SLC25A48: variants seen among roughly 807,000 people sequenced by gnomAD.
The protein encoded by SLC25A48 is CTC-321K16.1.
A neutral mutation model predicts 32.2 loss-of-function variants in SLC25A48; 29 were observed. That is an observed-to-expected ratio of 0.90 (90% CI 0.67 to 1.23). The LOEUF is 1.23. Among genes scored for constraint, SLC25A48 ranks in the 50% most tolerant of loss-of-function variants. The pLI, the probability that SLC25A48 is intolerant of heterozygous loss-of-function variation, is 0.00. For missense variants in SLC25A48, 399 were observed against 422.7 expected (o/e 0.94, Z 0.49); for synonymous variants, 164 against 172.3 (o/e 0.95, Z 0.38).
chr5:135,856,103 G>A (rs1474616253), intron 4 of SLC25A48, among the ~76,000 whole-genome samples: 1 of 152,190 alleles, frequency 6.6e-6, no homozygotes, highest in African/African-American at 2.4e-5. Context: ...GGTAGGAGAC[G>A]TATTTCAGTA....
intron 4 of SLC25A48, among the ~76,000 whole-genome samples, chr5:135,868,367 G>T (rs780204874): frequency 6.6e-6 from 1 of 152,116 alleles, no homozygotes; most frequent in African/African-American, 2.4e-5. Flanking sequence ...ACAAAGAAAG[G>T]CTATGGAAAT....
intron 3 of SLC25A48, among the ~76,000 whole-genome samples, chr5:135,664,732 CA>C (rs1753481320): frequency 6.6e-6 from 1 of 152,122 alleles, no homozygotes; most frequent in South Asian, 2.1e-4. Context: ...CCTCCAGCTC[CA>C]TCTAAGTTGC....
intron 2 of SLC25A48, among the ~76,000 whole-genome samples, chr5:135,633,297 C>T (rs1444903115): frequency 7.3e-6 from 1 of 136,832 alleles, no homozygotes; most frequent in Non-Finnish European, 1.6e-5. Context: ...TGAATTGTGT[C>T]CCCCTGCCCC....
chr5:135,871,087 AC>A (rs1354597443), intron 4 of SLC25A48, among the ~76,000 whole-genome samples: 1 of 130,720 alleles, frequency 7.6e-6, no homozygotes, highest in African/African-American at 2.7e-5. Context: ...ACACACACAC[AC>A]ACACACACAC....
intron 4 of SLC25A48, among the ~76,000 whole-genome samples, chr5:135,823,977 G>T (rs1757958061): frequency 6.6e-6 from 1 of 152,192 alleles, no homozygotes; most frequent in African/African-American, 2.4e-5. Flanking sequence ...AAAAGTGTCA[G>T]TTGAGTTCCT....
At chr5:135,854,760 A>G (rs536386228) in intron 4 of SLC25A48, among the ~76,000 whole-genome samples, 39 of 152,298 alleles carry the variant, frequency 2.6e-4, no homozygotes, top group African/African-American at 8.9e-4. Flanking sequence ...TTCTTCAAGC[A>G]TTTTTCCTTT....
intron 3 of SLC25A48, among the ~76,000 whole-genome samples, chr5:135,795,854 G>A (rs1288921811): frequency 6.7e-6 from 1 of 149,856 alleles, no homozygotes; most frequent in African/African-American, 2.5e-5. Context: ...CATATCGCTG[G>A]AGTTGTACAT....
chr5:135,798,962 G>A (rs942991624), intron 3 of SLC25A48, among the ~76,000 whole-genome samples: 1 of 151,754 alleles, frequency 6.6e-6, no homozygotes, highest in Non-Finnish European at 1.5e-5. Context: ...AATATCCGGG[G>A]GGGAGAGGAA....
In SLC25A48 at chr5:135,653,995, A is replaced by AT. The variant is rs1453109341; in HGVS notation, c.-521+19040dup. ...CGGCAGGGCTAACCTGGGACCTGCC[A>AT]TATAGAGCCCCTGTTTCTTAGTGGC... On this transcript the variant is annotated intron_variant, in intron 3 of 10. Coordinates refer to the SLC25A48 transcript ENST00000646290. The AT allele has an allele frequency of 6.8e-6, 3 of 443,022 alleles. No individual in the cohort carries two copies. The East Asian group carries it at 2.1e-4, about 31-fold the overall frequency. The allele number at this position is 443,022 out of a possible 1,614,324, so 27.4% of individuals were successfully genotyped here.
At chr5:135,644,961 T>G (rs556106353) in intron 3 of SLC25A48, among the ~76,000 whole-genome samples, 1,837 of 152,238 alleles carry the variant, frequency 0.012, 50 homozygotes, top group African/African-American at 0.042. Flanking sequence ...CCAGTTCAAA[T>G]ACAAGAACTC....
rs1015988331 is a variant in SLC25A48 at position 135,581,193 on chromosome 5, G to A, written c.-849+1596G>A. ...GTGTTTGATATGTGCTGACCATTGC[G>A]GTTATCATGATTTTAGCTGCAGAGT... On this transcript the variant is annotated intron_variant, in intron 1 of 10. Transcript: ENST00000646290. Among the ~76,000 whole-genome samples the A allele has an allele frequency of 4.7e-4, 72 of 152,290 alleles. 2 individuals are homozygous for A. Among genetic ancestry groups the A allele is most frequent in the Admixed American group, 4.2e-3 (65 of 15,300 alleles).
At chr5:135,843,443 T>A (rs776228614) in intron 2 of SLC25A48, among the ~76,000 whole-genome samples, 1 of 151,604 alleles carries the variant, frequency 6.6e-6, no homozygotes, top group African/African-American at 2.4e-5. Flanking sequence ...GACTCAGGAG[T>A]GAGGGAGGCA....
At chr5:135,620,617 G>T (rs1275884513) in intron 1 of SLC25A48, among the ~76,000 whole-genome samples, 1 of 152,076 alleles carries the variant, frequency 6.6e-6, no homozygotes, top group Non-Finnish European at 1.5e-5. Flanking sequence ...ATGAGAAAAT[G>T]CATGGCCACT....
chr5:135,816,878 T>G (rs767492926), intron 4 of SLC25A48, among the ~76,000 whole-genome samples: 1 of 152,172 alleles, frequency 6.6e-6, no homozygotes. Context: ...GAATGTAACA[T>G]TGTATTTGAC....
At position 135,714,250 on chromosome 5, in the gene SLC25A48, C is replaced by T. The variant is rs368170102; in HGVS notation, c.-521+79294C>T. On this transcript the variant is annotated intron_variant, in intron 3 of 10. Coordinates refer to the SLC25A48 transcript ENST00000646290. ...AAGGAAGGGCAGGGAGGTCTGAGTG[C>T]GGAAAGCCTGGACCACAGGAATGTG... Among the ~76,000 whole-genome samples, 13 of 152,252 alleles carry T rather than the reference C, an allele frequency of 8.5e-5. No homozygotes were observed. The South Asian group carries it at 2.1e-3, about 24-fold the overall frequency.
chr5:135,705,131 G>A lies in SLC25A48; in HGVS notation c.-521+70175G>A, dbSNP rs372211146. Reference sequence around the variant, plus strand: ...AAAATCCCCTGTTGACATAACCCCCGTCCTCCCTGCGGGCCTGTTCTCAGA... The same window carrying A: ...AAAATCCCCTGTTGACATAACCCCCATCCTCCCTGCGGGCCTGTTCTCAGA... On this transcript the variant is annotated intron_variant, in intron 3 of 10. Transcript: ENST00000646290. Among the ~76,000 whole-genome samples the A allele has an allele frequency of 1.2e-4, 18 of 152,292 alleles. No individual in the cohort carries two copies. In the East Asian group the frequency reaches 1.9e-3, roughly 16 times the overall value.
At chr5:135,771,549 G>A (rs996966297) in intron 3 of SLC25A48, among the ~76,000 whole-genome samples, 5 of 151,578 alleles carry the variant, frequency 3.3e-5, no homozygotes, top group Non-Finnish European at 5.9e-5. Flanking sequence ...TTTCGTGGGG[G>A]GTGTACACCC....
intron 2 of SLC25A48, among the ~76,000 whole-genome samples, chr5:135,630,954 T>C (rs949751314): frequency 2.0e-5 from 3 of 152,018 alleles, no homozygotes; most frequent in African/African-American, 7.3e-5. Context: ...ACAATAACGC[T>C]CCTGGACCTG....
intron 3 of SLC25A48, among the ~76,000 whole-genome samples, chr5:135,751,875 T>A (rs990098977): frequency 2.4e-4 from 36 of 152,138 alleles, no homozygotes; most frequent in African/African-American, 8.4e-4. Context: ...CCAGAAATTG[T>A]TCACTGATTT....
Sources: gnomAD v4.1 joint callset for allele counts (sites outside exome capture counted in the v4.1 genomes callset) on GRCh38, gnomAD v4.1.1 for gene constraint, MANE v1.5 for transcripts, NCBI Gene and HGNC (gene_info 2026-07-23, HGNC 2026-07-21) for gene names.